Variants in MS4A13 observed in about 807,000 individuals in gnomAD.
MS4A13 encodes membrane spanning 4-domains A13, also known as membrane-spanning 4-domains subfamily A member 13.
Under a neutral mutation model 18.4 loss-of-function variants are expected in MS4A13, and 21 were observed. That is an observed-to-expected ratio of 1.14 (90% CI 0.81 to 1.64). The LOEUF (loss-of-function observed/expected upper bound fraction) is 1.64. MS4A13 is among the 40% of genes most tolerant of loss of function. The pLI is 0.00. For synonymous variants in MS4A13, 62 were observed against 57.2 expected, an observed-to-expected ratio of 1.08 and a Z score of -0.38; for missense variants, 173 against 176.8, an observed-to-expected ratio of 0.98 and a Z score of 0.12.
At chr11:60,519,129 T>C (rs1227570153) in intron 3 of MS4A13, among the ~76,000 whole-genome samples, 1 of 152,152 alleles carries the variant, frequency 6.6e-6, no homozygotes, top group Admixed American at 6.5e-5. Flanking sequence ...GCTAGGAGCA[T>C]AGAAAGTTTA....
intron 3 of MS4A13, among the ~76,000 whole-genome samples, chr11:60,521,942 G>C (rs1005769701): frequency 6.6e-6 from 1 of 152,152 alleles, no homozygotes; most frequent in African/African-American, 2.4e-5. Flanking sequence ...TGTGGCAGAA[G>C]GCAAGGAGGA....
At chr11:60,523,407 G>T (rs2086691165) in intron 3 of MS4A13, among the ~76,000 whole-genome samples, 1 of 152,156 alleles carries the variant, frequency 6.6e-6, no homozygotes, top group South Asian at 2.1e-4. Context: ...ATGAATTTCT[G>T]CCATTACCTT....
rs78448638 is a variant in MS4A13, at chr11:60,517,962, G to C, written c.-12-110G>C. 8.6e-3 allele frequency: 7,271 copies of C among 845,366 alleles called. 59 individuals are homozygous for C. The highest frequency in any genetic ancestry group is 0.031 in the Middle Eastern group (94 of 3,036). The allele number at this position is 845,366 out of a possible 1,614,324, so 52.4% of individuals were successfully genotyped here. A position where few individuals can be genotyped will look rare whatever the true frequency, so the allele number is the denominator to read the frequency against. ...GAAATACATCATTAAGTGCATTGCT[G>C]TTTTACTTTTGTATTTGTAAAGGTG... On this transcript the variant is annotated intron_variant, in intron 2 of 6. Coordinates refer to ENST00000378186, the MANE Select transcript of MS4A13 (RefSeq NM_001012417.3).
At chr11:60,533,327 A>T (rs1156805835) in intron 6 of MS4A13, among the ~76,000 whole-genome samples, 1 of 116,884 alleles carries the variant, frequency 8.6e-6, no homozygotes, top group African/African-American at 3.3e-5. Flanking sequence ...AAGTGCTTAA[A>T]GGAGCTGATG....
chr11:60,542,467 G>T (rs2086868083), intron 6 of MS4A13, 52 bp from the exon 7 acceptor site: 9 of 1,230,200 alleles, frequency 7.3e-6, no homozygotes, highest in South Asian at 6.6e-5. Flanking sequence ...TTTATTAGTT[G>T]TATAATATTA....
chr11:60,522,126 A>T (rs2086677937), intron 3 of MS4A13, among the ~76,000 whole-genome samples: 2 of 151,862 alleles, frequency 1.3e-5, no homozygotes, highest in African/African-American at 4.8e-5. Context: ...CCCACAACAC[A>T]TGGGAATTAT....
chr11:60,538,253 C>G (rs1362325651), intron 6 of MS4A13, among the ~76,000 whole-genome samples: 1 of 149,274 alleles, frequency 6.7e-6, no homozygotes, highest in African/African-American at 2.5e-5. Flanking sequence ...ATACCAGAGG[C>G]TGGGGGCCGA....
In MS4A13 at chr11:60,530,024, C is replaced by T. The variant is rs1215098916; in HGVS notation, c.402+564C>T. ...CACTAATTCTTTAGGTGTTTGATTC[C>T]TAGAAATGTCATTGCAGGATCAAGT... On this transcript the variant is annotated intron_variant, in intron 6 of 6. Transcript: ENST00000378186. Among the ~76,000 whole-genome samples, 6 of 152,074 alleles carry T rather than the reference C, an allele frequency of 3.9e-5. No homozygotes were observed. The South Asian group carries it at 1.2e-3, about 31-fold the overall frequency.
chr11:60,528,482 T>A (rs1435275972), intron 5 of MS4A13, among the ~76,000 whole-genome samples: 1 of 152,198 alleles, frequency 6.6e-6, no homozygotes, highest in Non-Finnish European at 1.5e-5. Context: ...TTCTGTCTCT[T>A]CTACTTCATT....
Position 60,525,190 on chromosome 11 carries a change from CTCTG to C in MS4A13, c.187-13_187-10del. 2 of 1,544,862 alleles carry C rather than the reference CTCTG, an allele frequency of 1.3e-6. No individual in the cohort carries two copies. The highest frequency in any genetic ancestry group is 1.8e-6 in the Non-Finnish European group (2 of 1,122,070). Reference sequence around the variant, plus strand: ...TTATTCTGAATATAATAAATTTGCCCTCTGTCTCCTTTTCAGATTATAAGTACTT... The same window carrying C: ...TTATTCTGAATATAATAAATTTGCCCTCTCCTTTTCAGATTATAAGTACTT... On this transcript the variant is annotated splice_polypyrimidine_tract_variant and intron_variant, in intron 4 of 6. Transcript: ENST00000378186.
intron 5 of MS4A13, among the ~76,000 whole-genome samples, chr11:60,525,532 C>T (rs752340179): frequency 2.1e-4 from 32 of 152,142 alleles, no homozygotes; most frequent in Non-Finnish European, 2.6e-4. Flanking sequence ...GAATTCTTGA[C>T]TTGCTGAATT....
chr11:60,522,225 TA>T (rs869091251), intron 3 of MS4A13, among the ~76,000 whole-genome samples: 2 of 143,304 alleles, frequency 1.4e-5, no homozygotes, highest in African/African-American at 2.6e-5. Flanking sequence ...GATAGATAGA[TA>T]GATAGATAGA....
At chr11:60,525,056 A>C in intron 4 of MS4A13, 151 bp from the exon 5 acceptor site, 1 of 525,560 alleles carries the variant, frequency 1.9e-6, no homozygotes, top group Admixed American at 3.5e-5. Flanking sequence ...CTTCATATAA[A>C]TCAGAAAAAT....
At chr11:60,520,571 A>G (rs1026578493) in intron 3 of MS4A13, among the ~76,000 whole-genome samples, 4 of 152,248 alleles carry the variant, frequency 2.6e-5, no homozygotes, top group Non-Finnish European at 5.9e-5. Context: ...TTAAAGCTCA[A>G]AAATGATCTC....
At chr11:60,516,245 C>T (rs963031100) in intron 2 of MS4A13, among the ~76,000 whole-genome samples, 161 bp downstream of exon 2, 4 of 151,446 alleles carry the variant, frequency 2.6e-5, no homozygotes, top group Non-Finnish European at 2.9e-5. Flanking sequence ...TGACTGATCT[C>T]ATGTTCCTTC....
At chr11:60,541,446 C>T (rs953395880) in intron 6 of MS4A13, among the ~76,000 whole-genome samples, 8 of 152,042 alleles carry the variant, frequency 5.3e-5, no homozygotes, top group African/African-American at 9.7e-5. Flanking sequence ...AGCAACTATA[C>T]CTGCACTTAA....
At chr11:60,527,276 C>G (rs2086719626) in intron 5 of MS4A13, among the ~76,000 whole-genome samples, 1 of 151,778 alleles carries the variant, frequency 6.6e-6, no homozygotes. Context: ...CCCAAGTTGA[C>G]TTAAGGCAAA....
At chr11:60,532,795 G>C (rs1335831142) in intron 6 of MS4A13, among the ~76,000 whole-genome samples, 3 of 110,536 alleles carry the variant, frequency 2.7e-5, no homozygotes, top group Admixed American at 9.5e-5. Flanking sequence ...GAAGAGAGCA[G>C]TGGTTCTCCC....
chr11:60,529,397 G>GTTC lies in MS4A13; in HGVS notation c.344_346dup (p.Phe115dup), dbSNP rs760886136. ...GGAGGGAAGTATCACGTATTTTACT[G>GTTC]TTCTTCTACGGTTTGGAATTTTCTA... is the stretch of plus-strand genomic sequence containing the variant. On this transcript the variant is annotated inframe_insertion, in exon 6 of 7. Coordinates refer to ENST00000378186, the MANE Select transcript of MS4A13 (RefSeq NM_001012417.3). 144 of 1,605,810 alleles carry GTTC rather than the reference G, an allele frequency of 9.0e-5. 1 individual carries two copies. In the African/African-American group the frequency reaches 1.8e-3, roughly 20 times the overall value.
Sources: gnomAD v4.1 joint callset for allele counts (sites outside exome capture counted in the v4.1 genomes callset) on GRCh38, gnomAD v4.1.1 for gene constraint, MANE v1.5 for transcripts, NCBI Gene and HGNC (gene_info 2026-07-23, HGNC 2026-07-21) for gene names.